Variants in ANAPC10 observed in about 807,000 individuals in gnomAD.
The protein encoded by ANAPC10 is anaphase-promoting complex subunit 10.
ANAPC10 carries 12 observed loss-of-function variants against 22.0 expected under a neutral mutation model. That is an observed-to-expected ratio of 0.55 (90% CI 0.35 to 0.88). The LOEUF is 0.88. Among genes scored for constraint, ANAPC10 ranks in the 40% least tolerant of loss-of-function variants. The pLI is 0.01. For missense variants in ANAPC10, 188 were observed against 220.9 expected, an observed-to-expected ratio of 0.85 and a Z score of 0.94; for synonymous variants, 65 against 69.5, an observed-to-expected ratio of 0.94 and a Z score of 0.32.
rs2126675348 is a variant in ANAPC10, at chr4:145,096,067, A to T, written c.33T>A (p.Ala11=). 3 of 1,614,204 alleles carry T rather than the reference A, an allele frequency of 1.9e-6. No individual in the cohort carries two copies. The highest frequency in any genetic ancestry group is 2.5e-6 in the Non-Finnish European group (3 of 1,180,016). MTTPNKTPPG[A]DPKQLERTGT... is the part of the protein sequence containing the mutation. ...CAGTCCTTTCCAACTGCTTGGGGTC[A>T]GCACCAGGAGGTGTCTTGTTTGGTG... Residue 11 remains alanine (A), a synonymous_variant, in exon 2 of 5, where the codon GCT becomes GCA. Coordinates refer to ENST00000507656, the MANE Select transcript of ANAPC10 (RefSeq NM_001256706.2).
At chr4:145,020,583 C>A (rs1294868581) in intron 4 of ANAPC10, among the ~76,000 whole-genome samples, 2 of 152,024 alleles carry the variant, frequency 1.3e-5, no homozygotes, top group Non-Finnish European at 2.9e-5. Context: ...CTATCCAGAG[C>A]AATCAAACAA....
chr4:145,026,943 A>ATGTGTG (rs1474945651), intron 4 of ANAPC10, among the ~76,000 whole-genome samples: 1 of 25,780 alleles, frequency 3.9e-5, no homozygotes. Flanking sequence ...ATATATATAT[A>ATGTGTG]TATGTGTGTG....
rs140157642 is a variant in ANAPC10 at position 145,009,430 on chromosome 4, A to C, written c.328-13827T>G. On this transcript the variant is annotated intron_variant, in intron 4 of 4. Coordinates refer to ENST00000507656, the MANE Select transcript of ANAPC10 (RefSeq NM_001256706.2). ...AGGCATCACGCTACTTCACTTCAAA[A>C]TATACTAAAACCAAAACAGCATGGT... Among the ~76,000 whole-genome samples, 676 of 150,430 alleles carry C rather than the reference A, an allele frequency of 4.5e-3. 7 individuals carry two copies. Among genetic ancestry groups the C allele is most frequent in the African/African-American group, 0.015 (621 of 41,312 alleles).
chr4:145,097,492 T>A, intron 1 of ANAPC10: 1 of 1,287,248 alleles, frequency 7.8e-7, no homozygotes, highest in South Asian at 1.2e-5. Flanking sequence ...TAGTTCTGCA[T>A]ACCGTTTCCT....
intron 4 of ANAPC10, among the ~76,000 whole-genome samples, chr4:145,061,588 T>C (rs374675595): frequency 4.3e-4 from 65 of 152,320 alleles, no homozygotes; most frequent in African/African-American, 1.5e-3. Context: ...ATTTTATTGC[T>C]AGTGTTTCAC....
At chr4:145,067,344 T>C (rs888295142) in intron 3 of ANAPC10, among the ~76,000 whole-genome samples, 3 of 152,116 alleles carry the variant, frequency 2.0e-5, no homozygotes, top group Admixed American at 6.6e-5. Context: ...GCTATATTCG[T>C]AGCATAAGAT....
At chr4:145,023,250 A>C (rs1328157953) in intron 4 of ANAPC10, among the ~76,000 whole-genome samples, 1 of 152,140 alleles carries the variant, frequency 6.6e-6, no homozygotes, top group Non-Finnish European at 1.5e-5. Flanking sequence ...ACAGGCAAAC[A>C]AAACTTTAGT....
intron 4 of ANAPC10, among the ~76,000 whole-genome samples, chr4:145,039,837 G>T (rs1395662521): frequency 6.6e-6 from 1 of 152,048 alleles, no homozygotes; most frequent in Non-Finnish European, 1.5e-5. Flanking sequence ...CTTGTGATCT[G>T]CCTGCCATGA....
intron 3 of ANAPC10, among the ~76,000 whole-genome samples, chr4:145,072,399 G>C (rs1434620160): frequency 3.9e-5 from 6 of 152,194 alleles, no homozygotes; most frequent in East Asian, 1.9e-4. Context: ...TACATAAATC[G>C]AGAGTTGCTT....
chr4:145,070,644 A>G (rs1011807737), intron 3 of ANAPC10, among the ~76,000 whole-genome samples: 1 of 152,218 alleles, frequency 6.6e-6, no homozygotes, highest in African/African-American at 2.4e-5. Flanking sequence ...CCACCTGTGG[A>G]TATATATCCA....
rs149653686 is a variant in ANAPC10, at chr4:145,085,929, T to C, written c.116-4179A>G. On this transcript the variant is annotated intron_variant, in intron 2 of 4. Transcript: ENST00000507656. Reference sequence around the variant, plus strand: ...CCCAGGCTGCAGTGCAGTGGCGCGATTTCAGCTCACTGCAACCTCCACCTC... The same window carrying C: ...CCCAGGCTGCAGTGCAGTGGCGCGACTTCAGCTCACTGCAACCTCCACCTC... Among the ~76,000 whole-genome samples, 432 of 152,028 alleles carry C rather than the reference T, an allele frequency of 2.8e-3. 4 individuals are homozygous for C. Among genetic ancestry groups the C allele is most frequent in the African/African-American group, 9.5e-3 (396 of 41,468 alleles).
At position 145,010,013 on chromosome 4, in the gene ANAPC10, G is replaced by T. The variant is rs564231092; in HGVS notation, c.328-14410C>A. ...CAAACCCATCAAAAAGTGGGTGAAGGATATGAACAGACACTTCTCAAAAGA... is the reference window on the plus strand; with the variant it reads ...CAAACCCATCAAAAAGTGGGTGAAGTATATGAACAGACACTTCTCAAAAGA... On this transcript the variant is annotated intron_variant, in intron 4 of 4. Transcript: ENST00000507656. 1.1e-3 allele frequency among the ~76,000 whole-genome samples: 167 copies of T among 152,202 alleles called. 1 individual carries two copies. Among genetic ancestry groups the T allele is most frequent in the African/African-American group, 3.8e-3 (156 of 41,498 alleles).
At chr4:145,043,456 C>T (rs895319157) in intron 4 of ANAPC10, among the ~76,000 whole-genome samples, 2 of 151,968 alleles carry the variant, frequency 1.3e-5, no homozygotes, top group Non-Finnish European at 2.9e-5. Flanking sequence ...GAACACTAAC[C>T]CTGACAAGTG....
Position 144,995,411 on chromosome 4 carries a change from T to G in ANAPC10, c.520A>C (p.Thr174Pro). ...ESSIGKFPRC[T>P]TIDFMMYRSI... ...CGATACATCATGAAATCTATAGTTG[T>G]ACATCTAGGAAATTTACCAATGGAG... Residue 174 changes from threonine (T) to proline (P), a missense_variant, in exon 5 of 5, where the codon ACA becomes CCA. Coordinates refer to ENST00000507656, the MANE Select transcript of ANAPC10 (RefSeq NM_001256706.2). 1.2e-6 allele frequency: 2 copies of G among 1,613,380 alleles called. No homozygotes were observed. Among genetic ancestry groups the G allele is most frequent in the Non-Finnish European group, 1.7e-6 (2 of 1,179,464 alleles).
intron 4 of ANAPC10, among the ~76,000 whole-genome samples, chr4:145,037,939 C>G (rs1256968079): frequency 7.0e-6 from 1 of 142,500 alleles, no homozygotes; most frequent in Non-Finnish European, 1.5e-5. Context: ...AGAGCAAAAC[C>G]CTGTCTCAAA....
intron 4 of ANAPC10, among the ~76,000 whole-genome samples, chr4:145,012,205 C>CAT (rs566309285): frequency 4.8e-5 from 7 of 147,158 alleles, no homozygotes; most frequent in African/African-American, 1.0e-4. Flanking sequence ...TACACACACA[C>CAT]ATATATATAC....
intron 4 of ANAPC10, among the ~76,000 whole-genome samples, chr4:145,004,258 T>C (rs1733010662): frequency 6.6e-6 from 1 of 152,168 alleles, no homozygotes. Flanking sequence ...CTATGGTGTT[T>C]GTGTAGGTCT....
chr4:145,041,248 T>C (rs1489571430), intron 4 of ANAPC10, among the ~76,000 whole-genome samples: 1 of 152,232 alleles, frequency 6.6e-6, no homozygotes, highest in Non-Finnish European at 1.5e-5. Context: ...AATGAATATT[T>C]TGGAGTGAGA....
intron 3 of ANAPC10, 54 bp downstream of exon 3, chr4:145,081,606 A>G: frequency 9.0e-7 from 1 of 1,110,658 alleles, no homozygotes; most frequent in East Asian, 2.5e-5. Context: ...AATAAAATAG[A>G]TTTATTTGTC....
Sources: allele counts gnomAD v4.1 joint callset (sites outside exome capture counted in the v4.1 genomes callset), GRCh38; gene constraint gnomAD v4.1.1; transcripts MANE v1.5; gene names NCBI Gene and HGNC (gene_info 2026-07-23, HGNC 2026-07-21).